The following SLC39A6 variants were observed in gnomAD, a reference collection of about 807,000 sequenced individuals.
The protein encoded by SLC39A6 is solute carrier family 39 member 6.
SLC39A6 carries 51 observed loss-of-function variants against 63.5 expected under a neutral mutation model. The ratio of observed to expected loss-of-function variants is 0.80; its 90% CI spans 0.64 to 1.01. SLC39A6 has a LOEUF of 1.01. Ranked by LOEUF, SLC39A6 falls within the 50% of genes least tolerant of loss-of-function variation. SLC39A6 has a pLI of 0.00. For synonymous variants in SLC39A6, 318 were observed against 324.7 expected (o/e 0.98, Z 0.22); for missense variants, 805 against 927.8 (o/e 0.87, Z 1.72).
At chr18:36,124,791 G>C (rs75182434) in intron 2 of SLC39A6, 91 bp from the exon 3 acceptor site, 2 of 992,778 alleles carry the variant, frequency 2.0e-6, no homozygotes, top group Non-Finnish European at 2.8e-6. Context: ...ATGCTACTTC[G>C]TTTTCTCGAG....
intron 5 of SLC39A6, among the ~76,000 whole-genome samples, chr18:36,121,672 A>T (rs551089816): frequency 1.5e-5 from 2 of 135,626 alleles, no homozygotes; most frequent in South Asian, 4.6e-4. Flanking sequence ...ACATTTAGCT[A>T]CTGGGTGACT....
At chr18:36,111,000 G>T (rs576803820) in intron 9 of SLC39A6, 59 bp downstream of exon 9, 2 of 1,594,972 alleles carry the variant, frequency 1.3e-6, no homozygotes, top group African/African-American at 2.7e-5. Flanking sequence ...AGGCTTTACC[G>T]AATATTTTCT....
intron 5 of SLC39A6, 98 bp from the exon 6 acceptor site, chr18:36,116,877 C>T: frequency 1.4e-6 from 1 of 734,438 alleles, no homozygotes; most frequent in Non-Finnish European, 2.3e-6. Flanking sequence ...CAGAATGCCC[C>T]CACAGTCATC....
intron 1 of SLC39A6, among the ~76,000 whole-genome samples, chr18:36,128,174 G>A (rs1189542445): frequency 6.6e-6 from 1 of 152,190 alleles, no homozygotes; most frequent in East Asian, 1.9e-4. Flanking sequence ...ATTCAGTTAA[G>A]CAGAGCCAGA....
intron 9 of SLC39A6, among the ~76,000 whole-genome samples, chr18:36,110,822 A>G: frequency 6.6e-6 from 1 of 152,112 alleles, no homozygotes. Context: ...ACTAACAGGC[A>G]TGAGCCACCG....
chr18:36,115,974 AT>A (rs959225055), intron 6 of SLC39A6, among the ~76,000 whole-genome samples: 1 of 152,214 alleles, frequency 6.6e-6, no homozygotes, highest in African/African-American at 2.4e-5. Flanking sequence ...GACAAGTACC[AT>A]TTTGCGGTAT....
chr18:36,118,326 G>A (rs2144504670), intron 5 of SLC39A6, among the ~76,000 whole-genome samples: 1 of 152,330 alleles, frequency 6.6e-6, no homozygotes, highest in Admixed American at 6.5e-5. Context: ...TCCACAGGGA[G>A]AGGGTTTTAC....
chr18:36,111,804 A>AT (rs2089302901), intron 8 of SLC39A6, among the ~76,000 whole-genome samples: 1 of 152,224 alleles, frequency 6.6e-6, no homozygotes. Context: ...AACCAAAAAA[A>AT]TTTTTTAAGG....
chr18:36,124,181 G>A (rs2089416336), intron 3 of SLC39A6, among the ~76,000 whole-genome samples: 1 of 152,100 alleles, frequency 6.6e-6, no homozygotes, highest in Non-Finnish European at 1.5e-5. Flanking sequence ...TTATCAATAA[G>A]AATGCATCAG....
chr18:36,115,251 C>A (rs1464283793), intron 6 of SLC39A6, among the ~76,000 whole-genome samples: 1 of 151,978 alleles, frequency 6.6e-6, no homozygotes, highest in African/African-American at 2.4e-5. Context: ...ACCATCCTGG[C>A]TAACATGGTG....
At chr18:36,110,987 A>T in intron 9 of SLC39A6, 72 bp downstream of exon 9, 1 of 1,575,184 alleles carries the variant, frequency 6.3e-7, no homozygotes, top group Non-Finnish European at 8.6e-7. Flanking sequence ...GAGAAAAAAA[A>T]TGAGGCTTTA....
chr18:36,120,899 T>G (rs1240559678), intron 5 of SLC39A6, among the ~76,000 whole-genome samples: 1 of 152,232 alleles, frequency 6.6e-6, no homozygotes, highest in East Asian at 1.9e-4. Flanking sequence ...GAATAAATTT[T>G]TTTTTTAAAT....
chr18:36,122,774 T>G (rs2089405025), intron 4 of SLC39A6, among the ~76,000 whole-genome samples: 3 of 152,222 alleles, frequency 2.0e-5, no homozygotes, highest in Admixed American at 6.5e-5. Context: ...TGGAACACAC[T>G]AAGATACTGG....
chr18:36,114,183 T>A lies in SLC39A6; in HGVS notation c.1757A>T (p.Glu586Val), dbSNP rs748702737. ...HSHSQRYSRE[E>V]LKDAGVATLA... ...AGTGGCGACGCCGGCATCTTTCAGC[T>A]CCTCCCGAGAGTAGCGCTGGCTGTG... Residue 586 changes from glutamate (E) to valine (V), a missense_variant, in exon 7 of 10, where the codon GAG becomes GTG. Glu to Val is a moderately radical substitution (Grantham distance 121). This residue lies in a region of SLC39A6 where 145 missense variants were observed against 227.2 expected (regional missense o/e 0.64). Transcript: ENST00000269187. 24 of 1,614,034 alleles carry A rather than the reference T, an allele frequency of 1.5e-5. No individual in the cohort carries two copies. Among genetic ancestry groups the A allele is most frequent in the Admixed American group, 1.7e-5 (1 of 59,988 alleles).
At position 36,122,225 on chromosome 18, in the gene SLC39A6, T is replaced by C; in HGVS notation, c.1186A>G (p.Met396Val). The C allele has an allele frequency of 6.2e-7, 1 of 1,614,094 alleles. No homozygotes were observed. The highest frequency in any genetic ancestry group is 8.5e-7 in the Non-Finnish European group (1 of 1,179,978). The change falls in exon 5 of 10, where the codon ATG becomes GTG. Residue 396 changes from methionine (M) to valine (V), a missense_variant. Met to Val is a conservative substitution (Grantham distance 21). This residue lies in a region of SLC39A6 where 639 missense variants were observed against 644.0 expected (regional missense o/e 0.99). Coordinates refer to ENST00000269187, the MANE Select transcript of SLC39A6 (RefSeq NM_012319.4). The stretch of plus-strand genomic sequence containing the variant: ...AAAAGTGGTCCTCTTTTCATTTCCA[T>C]TGCTGGTTCTTCATGGCTATGACTA... ...HHSHSHEEPA[M>V]EMKRGPLFSH...
rs1205977814 is a variant in SLC39A6 at position 36,127,794 on chromosome 18, T to TC, written c.-9-779dup. Among the ~76,000 whole-genome samples the TC allele has an allele frequency of 1.8e-3, 261 of 148,050 alleles. 1 individual carries two copies. Among genetic ancestry groups the TC allele is most frequent in the South Asian group, 6.6e-3 (31 of 4,702 alleles). ...TTTTTTAAAGTTTTTTTTTTTTTTT[T>TC]CTAGAGACGAGGTCTCACTATGTTG... On this transcript the variant is annotated intron_variant, in intron 1 of 9. Transcript: ENST00000269187.
In SLC39A6 at chr18:36,126,997, T is replaced by C. The variant is rs752785001; in HGVS notation, c.11A>G (p.Lys4Arg). Residue 4 changes from lysine to arginine, a missense_variant, in exon 2 of 10, where the codon AAG becomes AGG. Coordinates refer to ENST00000269187, the MANE Select transcript of SLC39A6 (RefSeq NM_012319.4). ...GGTCAGGATCAAGATTACAGATAAC[T>C]TCCTCGCCATTGCGCCTTCCTAGAA... MARKLSVILILTFA... is the reference protein window; with the variant it reads MARRLSVILILTFA... The C allele has an allele frequency of 1.9e-6, 3 of 1,607,478 alleles. No homozygotes were observed. The highest frequency in any genetic ancestry group is 1.1e-5 in the South Asian group (1 of 90,614).
chr18:36,115,877 G>C (rs1301540761), intron 6 of SLC39A6, among the ~76,000 whole-genome samples: 1 of 152,174 alleles, frequency 6.6e-6, no homozygotes, highest in Non-Finnish European at 1.5e-5. Context: ...AAACATGGTA[G>C]ATACAACCTT....
intron 5 of SLC39A6, among the ~76,000 whole-genome samples, chr18:36,119,103 T>C (rs942979614): frequency 2.6e-5 from 4 of 152,182 alleles, no homozygotes; most frequent in Non-Finnish European, 4.4e-5. Flanking sequence ...ATGGATCTCT[T>C]AAGAAAAATC....
Sources: gnomAD v4.1 joint callset for allele counts (sites outside exome capture counted in the v4.1 genomes callset) on GRCh38, gnomAD v4.1.1 for gene constraint, gnomAD v4.1.1 regional missense constraint, MANE v1.5 for transcripts, NCBI Gene and HGNC (gene_info 2026-07-23, HGNC 2026-07-21) for gene names.